Variants in SPEN observed in about 807,000 individuals in gnomAD.
SPEN encodes msx2-interacting protein.
A neutral mutation model predicts 269.9 loss-of-function variants in SPEN; 18 were observed. That is an observed-to-expected ratio of 0.07 (90% CI 0.05 to 0.10). SPEN has a LOEUF of 0.10. Ranked by LOEUF, SPEN falls within the 10% of genes least tolerant of loss-of-function variation. The pLI is 1.00. For missense variants in SPEN, 3,822 were observed against 4,631.2 expected (o/e 0.83, Z 5.07); for synonymous variants, 1,726 against 1,765.7 (o/e 0.98, Z 0.56).
Position 15,909,431 on chromosome 1 carries a change from C to G in SPEN, c.992C>G (p.Pro331Arg), listed in dbSNP as rs1231173244. The G allele has an allele frequency of 4.3e-6, 7 of 1,613,996 alleles. No individual in the cohort carries two copies. The highest frequency in any genetic ancestry group is 5.9e-6 in the Non-Finnish European group (7 of 1,180,042). Residue 331 changes from proline to arginine, a missense_variant, in exon 4 of 15, where the codon CCC becomes CGC. Transcript: ENST00000375759. The part of the protein sequence containing the change: ...QLLSSLEKDE[P>R]RKSFGIKVQN... Reference sequence around the variant, plus strand: ...CTTTCATCTCTGGAAAAAGATGAGCCCCGTAAAAGTTTTGGCATCAAGGTC... The same window carrying G: ...CTTTCATCTCTGGAAAAAGATGAGCGCCGTAAAAGTTTTGGCATCAAGGTC...
intron 1 of SPEN, among the ~76,000 whole-genome samples, chr1:15,870,449 A>G (rs1357437834): frequency 1.3e-5 from 2 of 152,310 alleles, no homozygotes; most frequent in Middle Eastern, 6.8e-3. Flanking sequence ...TGGAAATAGA[A>G]CAGTAATGTT....
chr1:15,930,337 G>A lies in SPEN; in HGVS notation c.4097G>A (p.Arg1366Gln), dbSNP rs887977680. Reference sequence around the variant, plus strand: ...AGCATAATTAAGAGAGATAGCCTTCGAAAAAGGTCTGTACGAGATCTGGAA... The same window carrying A: ...AGCATAATTAAGAGAGATAGCCTTCAAAAAAGGTCTGTACGAGATCTGGAA... ...PNSIIKRDSL[R>Q]KRSVRDLEPG... The change falls in exon 11 of 15, where the codon CGA (arginine) becomes CAA (glutamine). Residue 1366 changes from arginine (R) to glutamine (Q), a missense_variant. By Grantham distance (43) the Arg-to-Gln change is conservative (BLOSUM62 1). Transcript: ENST00000375759. The surrounding 1 kb of genome is among the most constrained non-coding windows in gnomAD (Gnocchi z 5.3). The A allele has an allele frequency of 3.7e-6, 6 of 1,613,454 alleles. No individual in the cohort carries two copies. Among genetic ancestry groups the A allele is most frequent in the Non-Finnish European group, 5.1e-6 (6 of 1,179,702 alleles).
Position 15,937,059 on chromosome 1 carries a change from C to T in SPEN, c.10027-104C>T. 3 of 1,488,098 alleles carry T rather than the reference C, an allele frequency of 2.0e-6. No individual in the cohort carries two copies. The highest frequency in any genetic ancestry group is 4.3e-5 in the Admixed American group (2 of 46,942). 92.2% of individuals were successfully genotyped at this position (1,488,098 alleles called of 1,614,324 possible). ...TGTGGGCCTGACTTAACGGGAGATG[C>T]CACATCTTATCCTTTCCCTGTGGCC... is the stretch of plus-strand genomic sequence containing the variant. On this transcript the variant is annotated intron_variant, in intron 11 of 14. Coordinates refer to ENST00000375759, the MANE Select transcript of SPEN (RefSeq NM_015001.3). This position sits in a 1 kb window ranked among gnomAD's most constrained non-coding sequence, Gnocchi z 5.7.
At chr1:15,899,683 G>A (rs950760004) in intron 3 of SPEN, among the ~76,000 whole-genome samples, 3 of 151,126 alleles carry the variant, frequency 2.0e-5, no homozygotes, top group African/African-American at 7.3e-5. Context: ...TATGATTTGC[G>A]TTTCCCTAAT....
Position 15,874,167 on chromosome 1 carries a change from G to T in SPEN, c.404+1031G>T, listed in dbSNP as rs754258684. 2.9e-6 allele frequency: 4 copies of T among 1,366,478 alleles called. No individual in the cohort carries two copies. The Admixed American group carries it at 7.6e-5, about 26-fold the overall frequency. 84.6% of individuals were successfully genotyped at this position (1,366,478 alleles called of 1,614,324 possible). ...TGCTATCTCAAGAAAGAAGTCTGGG[G>T]GTTTGAGAGTTACAGTTTGTCTGGG... is the stretch of plus-strand genomic sequence containing the variant. On this transcript the variant is annotated intron_variant, in intron 2 of 14. Transcript: ENST00000375759.
At chr1:15,926,295 G>A (rs897807906) in intron 10 of SPEN, among the ~76,000 whole-genome samples, 1 of 151,992 alleles carries the variant, frequency 6.6e-6, no homozygotes. Context: ...TACTTGTGGT[G>A]GTGGTGAGGT....
At position 15,932,221 on chromosome 1, in the gene SPEN, G is replaced by T. The variant is rs760431541; in HGVS notation, c.5981G>T (p.Gly1994Val). ...TCCCAGAAAACTGCAGCTGGTGGTG[G>T]ACCCCAAGGGAAAAAGGGAAAAAAT... ...PRSQKTAAGGGPQGKKGKNEP... is the reference protein window; with the variant it reads ...PRSQKTAAGGVPQGKKGKNEP... The change falls in exon 11 of 15, where the codon GGA becomes GTA. Residue 1994 changes from glycine to valine, a missense_variant. By Grantham distance (109) the Gly-to-Val change is moderately radical (BLOSUM62 -3). This residue lies in a region of SPEN where 533 missense variants were observed against 618.8 expected (regional missense o/e 0.86). Transcript: ENST00000375759. The surrounding 1 kb of genome is among the most constrained non-coding windows in gnomAD (Gnocchi z 4.2). The T allele has an allele frequency of 5.0e-6, 8 of 1,612,390 alleles. No individual in the cohort carries two copies. The African/African-American group carries it at 9.4e-5, about 19-fold the overall frequency.
At chr1:15,873,522 A>C in intron 2 of SPEN, 1 of 998,442 alleles carries the variant, frequency 1.0e-6, no homozygotes, top group Non-Finnish European at 1.2e-6. Context: ...TATTTCTGGA[A>C]TATTAGAGCC....
intron 3 of SPEN, among the ~76,000 whole-genome samples, chr1:15,901,026 A>G (rs2070893550): frequency 6.6e-6 from 1 of 151,886 alleles, no homozygotes; most frequent in African/African-American, 2.4e-5. Flanking sequence ...TCAGTTGATT[A>G]TTTCCTTGTT....
chr1:15,854,552 ATC>A (rs1345273326), intron 1 of SPEN, among the ~76,000 whole-genome samples: 1 of 151,922 alleles, frequency 6.6e-6, no homozygotes, highest in Non-Finnish European at 1.5e-5. Flanking sequence ...CAATGGTGCT[ATC>A]TCGGCTCACC....
At chr1:15,875,481 ATAATTT>A (rs889708550) in intron 2 of SPEN, among the ~76,000 whole-genome samples, 14 of 152,168 alleles carry the variant, frequency 9.2e-5, no homozygotes, top group Admixed American at 2.0e-4. Flanking sequence ...ACAGGAGTAA[ATAATTT>A]TTATTTTTAT....
Position 15,876,227 on chromosome 1 carries a change from T to A in SPEN, c.430T>A (p.Tyr144Asn). The change falls in exon 3 of 15, where the codon TAT (tyrosine) becomes AAT (asparagine). Residue 144 changes from tyrosine (Y) to asparagine (N), a missense_variant. By Grantham distance (143) the Tyr-to-Asn change is moderately radical. Transcript: ENST00000375759. The part of the protein sequence containing the change: ...DGASDNRERA[Y>N]EHSAYGHHER... ...GGCTTCAGATAACAGGGAGCGTGCT[T>A]ATGAACATAGTGCCTATGGACACCA... 1 of 1,613,688 alleles carries A rather than the reference T, an allele frequency of 6.2e-7. No homozygotes were observed.
Position 15,929,545 on chromosome 1 carries a change from A to T in SPEN, c.3305A>T (p.Gln1102Leu), listed in dbSNP as rs755778364. Residue 1102 changes from glutamine to leucine, a missense_variant, in exon 11 of 15, where the codon CAA becomes CTA. Gln to Leu is a moderately radical substitution (Grantham distance 113). Around this residue, in one of 16 missense-constraint regions of SPEN, gnomAD observed 572 missense variants for 582.6 expected, o/e 0.98. Transcript: ENST00000375759. This position sits in a 1 kb window ranked among gnomAD's most constrained non-coding sequence, Gnocchi z 5.8. ...AGESVENQEV[Q>L]SKKPIPSKPQ... ...GAATCTGTGGAAAATCAAGAAGTCCAATCAAAAAAGCCCATTCCCTCAAAA... is the reference window on the plus strand; with the variant it reads ...GAATCTGTGGAAAATCAAGAAGTCCTATCAAAAAAGCCCATTCCCTCAAAA... 1.9e-6 allele frequency: 3 copies of T among 1,613,862 alleles called. No individual in the cohort carries two copies. In the African/African-American group the frequency reaches 4.0e-5, roughly 22 times the overall value.
intron 3 of SPEN, among the ~76,000 whole-genome samples, chr1:15,891,540 T>C (rs2070788905): frequency 6.6e-6 from 1 of 151,500 alleles, no homozygotes; most frequent in South Asian, 2.1e-4. Flanking sequence ...TTGGTAGAGA[T>C]GGGGTTTCAC....
At chr1:15,879,871 C>T (rs549192905) in intron 3 of SPEN, among the ~76,000 whole-genome samples, 16 of 152,190 alleles carry the variant, frequency 1.1e-4, no homozygotes, top group African/African-American at 3.6e-4. Context: ...GGGGTTTCAC[C>T]GTGTTAGCCA....
Position 15,935,950 on chromosome 1 carries a change from C to T in SPEN, c.9710C>T (p.Pro3237Leu). 1 of 1,607,330 alleles carries T rather than the reference C, an allele frequency of 6.2e-7. No individual in the cohort carries two copies. Among genetic ancestry groups the T allele is most frequent in the Non-Finnish European group, 8.5e-7 (1 of 1,178,262 alleles). Residue 3237 changes from proline to leucine, a missense_variant, in exon 11 of 15, where the codon CCA becomes CTA. Pro to Leu is a moderately conservative substitution (Grantham distance 98). This residue lies in a region of SPEN where 359 missense variants were observed against 377.3 expected (regional missense o/e 0.95). Transcript: ENST00000375759. The surrounding 1 kb of genome is among the most constrained non-coding windows in gnomAD (Gnocchi z 7.7). ...QQPGKEAAKT[P>L]DAKAAPTPTP... The stretch of plus-strand genomic sequence containing the variant: ...CCAGGGAAGGAAGCTGCCAAGACAC[C>T]AGATGCCAAAGCTGCCCCCACCCCC...
chr1:15,931,390 C>T lies in SPEN; in HGVS notation c.5150C>T (p.Ala1717Val), dbSNP rs779004613. Residue 1717 changes from alanine (A) to valine (V), a missense_variant, in exon 11 of 15, where the codon GCG becomes GTG. Ala to Val is a moderately conservative substitution (Grantham distance 64). Transcript: ENST00000375759. The surrounding 1 kb of genome is among the most constrained non-coding windows in gnomAD (Gnocchi z 4.8). Reference protein sequence around the residue: ...DPDKEAAMMPAGVEEGSSGDQ... With the variant: ...DPDKEAAMMPVGVEEGSSGDQ... ...GATAAAGAAGCTGCCATGATGCCTGCGGGTGTTGAGGAAGGTTCATCAGGT... is the reference window on the plus strand; with the variant it reads ...GATAAAGAAGCTGCCATGATGCCTGTGGGTGTTGAGGAAGGTTCATCAGGT... 1.3e-5 allele frequency: 21 copies of T among 1,614,038 alleles called. No homozygotes were observed. The African/African-American group carries it at 1.3e-4, about 10-fold the overall frequency.
chr1:15,852,436 A>G (rs1489783547), intron 1 of SPEN, among the ~76,000 whole-genome samples: 1 of 152,240 alleles, frequency 6.6e-6, no homozygotes, highest in Non-Finnish European at 1.5e-5. Flanking sequence ...CAGAATAATT[A>G]TAAAGCAATA....
At position 15,847,916 on chromosome 1, in the gene SPEN, C is replaced by CG. The variant is rs2070288636; in HGVS notation, c.-145dup. 3.1e-6 allele frequency: 1 copy of CG among 326,850 alleles called. No homozygotes were observed. The highest frequency in any genetic ancestry group is 5.2e-5 in the East Asian group (1 of 19,144). The allele number at this position is 326,850 out of a possible 1,614,324, so 20.2% of individuals were successfully genotyped here. ...CTGGGGGAGAGGGATGGTCTCTGCACGGGGGGGAGCCGGAGGAGCCGCCGC... is the reference window on the plus strand; with the variant it reads ...CTGGGGGAGAGGGATGGTCTCTGCACGGGGGGGGAGCCGGAGGAGCCGCCGC... On this transcript the variant is annotated 5_prime_UTR_variant, in exon 1 of 15. The change creates a premature stop within an existing upstream ORF in the 5' untranslated region. Coordinates refer to ENST00000375759, the MANE Select transcript of SPEN (RefSeq NM_015001.3).
Sources: allele counts gnomAD v4.1 joint callset (sites outside exome capture counted in the v4.1 genomes callset), GRCh38; gene constraint gnomAD v4.1.1; regional missense constraint gnomAD v4.1.1; non-coding constraint Gnocchi (gnomAD v3.1); transcripts MANE v1.5; gene names NCBI Gene and HGNC (gene_info 2026-07-23, HGNC 2026-07-21).